Variants in MRTFB observed in about 807,000 individuals in gnomAD.
The protein encoded by MRTFB is myocardin-related transcription factor B.
Under a neutral mutation model 104.2 loss-of-function variants are expected in MRTFB, and 29 were observed. The observed-to-expected ratio is 0.28, with a 90% CI of 0.21 to 0.38. MRTFB has a LOEUF of 0.38. MRTFB is among the 10% of genes least tolerant of loss of function. The pLI is 1.00. For missense variants in MRTFB, 1,270 were observed against 1,341.6 expected, an observed-to-expected ratio of 0.95 and a Z score of 0.83; for synonymous variants, 535 against 519.5, an observed-to-expected ratio of 1.03 and a Z score of -0.41.
chr16:14,218,837 T>A lies in MRTFB; in HGVS notation c.532T>A (p.Tyr178Asn). The A allele has an allele frequency of 6.2e-7, 1 of 1,603,148 alleles. No homozygotes were observed. ...TTCTTTAGGCGTTGGGAAGGAGGAC[T>A]ATCCCCACACTCAGGGCGATTTCTC... is the stretch of plus-strand genomic sequence containing the variant. ...EAIIGVGKEDYPHTQGDFSFD... is the reference protein window; with the variant it reads ...EAIIGVGKEDNPHTQGDFSFD... Residue 178 changes from tyrosine to asparagine, a missense_variant, in exon 8 of 17, where the codon TAT becomes AAT. Tyr to Asn is a moderately radical substitution (Grantham distance 143). Transcript: ENST00000571589.
At chr16:14,069,865 TAGAC>T (rs1450658186), upstream of MRTFB, among the ~76,000 whole-genome samples, 1 of 152,222 alleles carries the variant, frequency 6.6e-6, no homozygotes, top group South Asian at 2.1e-4. Flanking sequence ...AATTAATAAA[TAGAC>T]AGCACCTGGA....
chr16:14,223,339 T>C (rs1215389934), intron 8 of MRTFB, among the ~76,000 whole-genome samples: 2 of 151,802 alleles, frequency 1.3e-5, no homozygotes, highest in Non-Finnish European at 2.9e-5. Flanking sequence ...AAGAAAAATA[T>C]GACCATTCAG....
At chr16:14,042,804 C>G in the MRTFB span, among the ~76,000 whole-genome samples, 1 of 152,194 alleles carries the variant, frequency 6.6e-6, no homozygotes, top group Admixed American at 6.5e-5. Context: ...GGCCAAGCAG[C>G]GTTTACCTCC....
At chr16:14,165,856 C>A (rs1318322090) in intron 3 of MRTFB, among the ~76,000 whole-genome samples, 1 of 152,168 alleles carries the variant, frequency 6.6e-6, no homozygotes, top group South Asian at 2.1e-4. Flanking sequence ...TTCTGGTATA[C>A]TTTGTTCTGT....
At chr16:14,063,278 G>A in the MRTFB span, among the ~76,000 whole-genome samples, 2 of 152,168 alleles carry the variant, frequency 1.3e-5, no homozygotes, top group Non-Finnish European at 2.9e-5. Context: ...TGTGCTCGGG[G>A]TGCACATGTG....
intron 5 of MRTFB, 60 bp downstream of exon 5, chr16:14,212,469 T>C: frequency 6.7e-7 from 1 of 1,491,856 alleles, no homozygotes; most frequent in South Asian, 1.1e-5. Context: ...TCTTCTAAAA[T>C]ACCTGTGTAC....
At chr16:14,184,141 A>G (rs1012785858) in intron 3 of MRTFB, among the ~76,000 whole-genome samples, 1 of 150,730 alleles carries the variant, frequency 6.6e-6, no homozygotes, top group Non-Finnish European at 1.5e-5. Context: ...GTAATTAAGC[A>G]TGTAGGCCCC....
chr16:14,104,415 T>A (rs189758789), intron 2 of MRTFB, among the ~76,000 whole-genome samples: 1 of 152,336 alleles, frequency 6.6e-6, no homozygotes, highest in East Asian at 1.9e-4. Context: ...GCAAGTAGAC[T>A]TTACAAGGAA....
intron 15 of MRTFB, among the ~76,000 whole-genome samples, chr16:14,253,841 C>CA (rs1346462253): frequency 6.6e-6 from 1 of 152,162 alleles, no homozygotes; most frequent in Non-Finnish European, 1.5e-5. Flanking sequence ...AGGGAAAAGT[C>CA]AGATTTCAAA....
At chr16:14,130,817 C>T (rs2037402184) in intron 2 of MRTFB, among the ~76,000 whole-genome samples, 1 of 152,044 alleles carries the variant, frequency 6.6e-6, no homozygotes, top group Non-Finnish European at 1.5e-5. Flanking sequence ...GGGGAGCAAA[C>T]ACATCCTTCT....
intron 2 of MRTFB, among the ~76,000 whole-genome samples, chr16:14,094,373 T>TTAAAACA (rs930040551): frequency 6.6e-6 from 1 of 152,220 alleles, no homozygotes; most frequent in African/African-American, 2.4e-5. Flanking sequence ...AAAATGCATT[T>TTAAAACA]GTTTAAATGT....
intron 2 of MRTFB, among the ~76,000 whole-genome samples, chr16:14,132,753 C>T (rs924798988): frequency 2.6e-5 from 4 of 152,242 alleles, no homozygotes; most frequent in African/African-American, 7.2e-5. Context: ...CTTAGCCATC[C>T]GCCTCTTGAC....
At chr16:14,026,379 C>A in the MRTFB span, among the ~76,000 whole-genome samples, 3 of 152,172 alleles carry the variant, frequency 2.0e-5, no homozygotes, top group Middle Eastern at 6.8e-3. Flanking sequence ...AAATTTCAAA[C>A]CAAGCCTCAC....
intron 3 of MRTFB, chr16:14,186,988 A>G: frequency 3.8e-6 from 6 of 1,597,866 alleles, no homozygotes; most frequent in Non-Finnish European, 5.1e-6. Flanking sequence ...GAACCATTAA[A>G]AGAAAAGGAA....
At chr16:14,017,206 G>A in the MRTFB span, among the ~76,000 whole-genome samples, 19 of 151,860 alleles carry the variant, frequency 1.3e-4, no homozygotes, top group African/African-American at 3.1e-4. Context: ...ACAGGCGCCC[G>A]CCACCACACC....
chr16:14,167,144 T>G (rs1294853906), intron 3 of MRTFB, among the ~76,000 whole-genome samples: 1 of 152,248 alleles, frequency 6.6e-6, no homozygotes, highest in East Asian at 1.9e-4. Flanking sequence ...AAAGCGTTCC[T>G]ATTTCTCCGC....
At position 14,246,731 on chromosome 16, in the gene MRTFB, A is replaced by T; in HGVS notation, c.1471A>T (p.Ser491Cys). The T allele has an allele frequency of 2.5e-6, 4 of 1,614,202 alleles. No individual in the cohort carries two copies. The highest frequency in any genetic ancestry group is 3.4e-6 in the Non-Finnish European group (4 of 1,180,040). ...GGCAGAATTGCCACCTACAGGAACCAGCAACGCAACCCGTGTGGAAAATGT... is the reference window on the plus strand; with the variant it reads ...GGCAGAATTGCCACCTACAGGAACCTGCAACGCAACCCGTGTGGAAAATGT... ...LKAELPPTGT[S>C]NATRVENVHS... is the part of the protein sequence containing the mutation. The change falls in exon 12 of 17, where the codon AGC becomes TGC. Residue 491 changes from serine to cysteine, a missense_variant. Transcript: ENST00000571589.
chr16:14,093,982 T>C (rs1169708784), intron 2 of MRTFB, among the ~76,000 whole-genome samples: 1 of 152,256 alleles, frequency 6.6e-6, no homozygotes, highest in African/African-American at 2.4e-5. Context: ...TTTTAAGAAG[T>C]AGTCAGCTTT....
At chr16:14,171,959 A>G (rs1293243142) in intron 3 of MRTFB, among the ~76,000 whole-genome samples, 11 of 152,166 alleles carry the variant, frequency 7.2e-5, no homozygotes, top group Non-Finnish European at 1.2e-4. Flanking sequence ...CAGCATGTCC[A>G]TGTTATTTGA....
Sources: gnomAD v4.1 joint callset for allele counts (sites outside exome capture counted in the v4.1 genomes callset) on GRCh38, gnomAD v4.1.1 for gene constraint, MANE v1.5 for transcripts, NCBI Gene and HGNC (gene_info 2026-07-23, HGNC 2026-07-21) for gene names.